Variants in SLC7A7 observed in about 807,000 individuals in gnomAD.
SLC7A7 encodes solute carrier family 7 member 7.
Under a neutral mutation model 47.9 loss-of-function variants are expected in SLC7A7, and 39 were observed. The observed-to-expected ratio is 0.81, with a 90% CI of 0.63 to 1.06. The LOEUF (loss-of-function observed/expected upper bound fraction) is 1.06, where lower values mean the gene tolerates loss of function less well. Ranked by LOEUF, SLC7A7 falls within the 50% of genes least tolerant of loss-of-function variation. The probability of loss-of-function intolerance (pLI) is 0.00; values close to 1 mark genes in which losing one functional copy is unlikely to be tolerated. For missense variants in SLC7A7, 588 were observed against 632.0 expected, an observed-to-expected ratio of 0.93 and a Z score of 0.75; for synonymous variants, 234 against 242.8, an observed-to-expected ratio of 0.96 and a Z score of 0.34.
At chr14:22,815,896 A>G (rs2039401332), upstream of SLC7A7, 1 of 351,942 alleles carries the variant, frequency 2.8e-6, no homozygotes, top group African/African-American at 2.1e-5. Flanking sequence ...CCATGCTGAG[A>G]TTACAGGAAG....
At chr14:22,813,851 C>T (rs922867086) in intron 1 of SLC7A7, among the ~76,000 whole-genome samples, 1 of 135,642 alleles carries the variant, frequency 7.4e-6, no homozygotes. Flanking sequence ...AGTGCAATGG[C>T]GCGATCTCAG....
At chr14:22,809,210 C>G (rs924508658) in intron 2 of SLC7A7, among the ~76,000 whole-genome samples, 2 of 152,122 alleles carry the variant, frequency 1.3e-5, no homozygotes, top group East Asian at 3.9e-4. Flanking sequence ...GACAGAGTCT[C>G]GCTCTGTGGC....
At chr14:22,803,342 C>T (rs1011948606) in intron 2 of SLC7A7, among the ~76,000 whole-genome samples, 3 of 152,102 alleles carry the variant, frequency 2.0e-5, no homozygotes, top group Admixed American at 6.6e-5. Context: ...CGCTTGAACC[C>T]GGAAGGCGGA....
chr14:22,790,160 T>C (rs2038898698), intron 2 of SLC7A7, among the ~76,000 whole-genome samples: 1 of 151,640 alleles, frequency 6.6e-6, no homozygotes, highest in East Asian at 1.9e-4. Context: ...GAAACCCTGA[T>C]TCTACAAAAA....
At chr14:22,812,590 C>A in intron 2 of SLC7A7, among the ~76,000 whole-genome samples, 1 of 149,262 alleles carries the variant, frequency 6.7e-6, no homozygotes, top group Non-Finnish European at 1.5e-5. Flanking sequence ...AAGGTATAAT[C>A]ACACCACTGC....
chr14:22,788,163 T>C (rs2038854590), intron 2 of SLC7A7, among the ~76,000 whole-genome samples: 1 of 152,190 alleles, frequency 6.6e-6, no homozygotes, highest in Non-Finnish European at 1.5e-5. Flanking sequence ...TATTCCACAA[T>C]GTTATTCAGC....
At chr14:22,787,946 G>A (rs1165395295) in intron 2 of SLC7A7, among the ~76,000 whole-genome samples, 1 of 151,204 alleles carries the variant, frequency 6.6e-6, no homozygotes, top group Non-Finnish European at 1.5e-5. Context: ...GGTGGCGGGT[G>A]CCTGTAGTCC....
chr14:22,817,808 A>G (rs537777813), upstream of SLC7A7, among the ~76,000 whole-genome samples: 2 of 152,256 alleles, frequency 1.3e-5, no homozygotes, highest in East Asian at 3.9e-4. Flanking sequence ...AATTATCTAC[A>G]TGAATTACCT....
At chr14:22,780,910 G>T (rs1371879895) in intron 2 of SLC7A7, among the ~76,000 whole-genome samples, 1 of 152,076 alleles carries the variant, frequency 6.6e-6, no homozygotes, top group Non-Finnish European at 1.5e-5. Context: ...CAACAAAAAA[G>T]TTACAATCTA....
chr14:22,802,222 G>A (rs1158940062), intron 2 of SLC7A7, among the ~76,000 whole-genome samples: 1 of 152,094 alleles, frequency 6.6e-6, no homozygotes, highest in Non-Finnish European at 1.5e-5. Context: ...GGCCAACATG[G>A]TGAAACCCCA....
At chr14:22,785,416 T>G (rs1004066797) in intron 2 of SLC7A7, among the ~76,000 whole-genome samples, 18 of 152,064 alleles carry the variant, frequency 1.2e-4, no homozygotes, top group African/African-American at 4.3e-4. Context: ...TTCCACCCAA[T>G]GGCCCTTCTT....
At chr14:22,779,877 C>T (rs2038684773) in intron 3 of SLC7A7, 49 bp downstream of exon 3, 1 of 1,568,792 alleles carries the variant, frequency 6.4e-7, no homozygotes, top group East Asian at 2.2e-5. Flanking sequence ...GAGTGCGGCT[C>T]ACAGAAAATG....
chr14:22,815,525 G>A (rs1333810063), upstream of SLC7A7: 3 of 454,162 alleles, frequency 6.6e-6, no homozygotes, highest in African/African-American at 6.0e-5. Context: ...GGGGAAAGGA[G>A]TATTAAGCAA....
In SLC7A7 at chr14:22,786,751, T is replaced by C. The variant is rs117350772; in HGVS notation, c.500-6700A>G. On this transcript the variant is annotated intron_variant, in intron 2 of 9. Transcript: ENST00000674313. ...GAGTTCAAGACCAGCCTGGGCAACA[T>C]TGTGAGAACACATCTCCACAAAACA... is the stretch of plus-strand genomic sequence containing the variant. 2.6e-4 allele frequency among the ~76,000 whole-genome samples: 39 copies of C among 152,080 alleles called. 1 individual carries two copies. The East Asian group carries it at 7.6e-3, about 29-fold the overall frequency.
rs1361047933 is a variant in SLC7A7, at chr14:22,779,941, C to T, written c.610G>A (p.Val204Ile). The T allele has an allele frequency of 1.9e-6, 3 of 1,614,152 alleles. No individual in the cohort carries two copies. The East Asian group carries it at 6.7e-5, about 36-fold the overall frequency. ...ALIAVIVAGI[V>I]RLGQGASTHF... is the part of the protein sequence containing the mutation. ...TATTTCTTACCCTGGCCAAGTCTAA[C>T]AATGCCTGCAACGATGACCGCGATC... Residue 204 changes from valine to isoleucine, a missense_variant, in exon 3 of 10, where the codon GTT becomes ATT. Transcript: ENST00000674313.
At chr14:22,786,611 C>T (rs751148487) in intron 2 of SLC7A7, among the ~76,000 whole-genome samples, 1 of 152,222 alleles carries the variant, frequency 6.6e-6, no homozygotes, top group Non-Finnish European at 1.5e-5. Flanking sequence ...GTGATGAGAT[C>T]TTTCCTCCCC....
chr14:22,818,344 C>T (rs1166546732), upstream of SLC7A7, among the ~76,000 whole-genome samples: 1 of 152,034 alleles, frequency 6.6e-6, no homozygotes, highest in Non-Finnish European at 1.5e-5. Context: ...TCAGTCTGCC[C>T]GTGCGCACTA....
intron 2 of SLC7A7, among the ~76,000 whole-genome samples, chr14:22,788,460 G>A (rs554677452): frequency 4.6e-5 from 7 of 152,158 alleles, no homozygotes; most frequent in Admixed American, 6.5e-5. Flanking sequence ...ATCCTAGCAC[G>A]TTGGGAGGCC....
intron 2 of SLC7A7, among the ~76,000 whole-genome samples, chr14:22,786,540 GAC>G (rs905121225): frequency 2.6e-4 from 39 of 152,204 alleles, no homozygotes; most frequent in African/African-American, 9.2e-4. Context: ...CCGTGTTGCC[GAC>G]TACGGAGTCT....
Sources: gnomAD v4.1 joint callset for allele counts (sites outside exome capture counted in the v4.1 genomes callset) on GRCh38, gnomAD v4.1.1 for gene constraint, MANE v1.5 for transcripts, NCBI Gene and HGNC (gene_info 2026-07-23, HGNC 2026-07-21) for gene names.